Variants in PCDHGA1 observed in about 807,000 individuals in gnomAD.
The protein encoded by PCDHGA1 is protocadherin gamma-A1.
A neutral mutation model predicts 58.0 loss-of-function variants in PCDHGA1; 32 were observed. The observed-to-expected ratio is 0.55, with a 90% CI of 0.42 to 0.74. PCDHGA1 has a LOEUF of 0.74. Among genes scored for constraint, PCDHGA1 ranks in the 30% least tolerant of loss-of-function variants. The pLI is 0.00. For missense variants in PCDHGA1, 1,205 were observed against 1,182.3 expected (o/e 1.02, Z -0.28); for synonymous variants, 498 against 501.1 (o/e 0.99, Z 0.08).
At chr5:141,409,464 C>T in intron 1 of PCDHGA1, 1 of 1,613,940 alleles carries the variant, frequency 6.2e-7, no homozygotes, top group East Asian at 2.2e-5. Context: ...TACAATGTCA[C>T]CATCGTAGCC....
chr5:141,505,324 G>A, intron 2 of PCDHGA1, 69 bp from the exon 3 acceptor site: 2 of 1,607,104 alleles, frequency 1.2e-6, no homozygotes, highest in African/African-American at 1.3e-5. Context: ...GGAGCCCTGG[G>A]AGAGGACAGG....
At chr5:141,350,545 G>A (rs1758499936) in intron 1 of PCDHGA1, 1 of 1,613,914 alleles carries the variant, frequency 6.2e-7, no homozygotes, top group Non-Finnish European at 8.5e-7. Context: ...TTTGCGGAAG[G>A]AAACTTGAGT....
intron 1 of PCDHGA1, chr5:141,365,422 T>G: frequency 6.2e-7 from 1 of 1,614,032 alleles, no homozygotes; most frequent in Non-Finnish European, 8.5e-7. Context: ...TTCCCGGAAC[T>G]GTAATCGCGC....
intron 1 of PCDHGA1, chr5:141,385,141 G>T (rs1183220869): frequency 1.9e-6 from 3 of 1,614,202 alleles, no homozygotes; most frequent in Non-Finnish European, 2.5e-6. Context: ...CGGGGTGCAG[G>T]CTTTCCTGCA....
At chr5:141,377,766 G>A (rs950570647) in intron 1 of PCDHGA1, 4 of 152,130 alleles carry the variant, frequency 2.6e-5, no homozygotes, top group African/African-American at 9.7e-5. Flanking sequence ...CCAGATCTTT[G>A]GTGTTAAAAG....
In PCDHGA1 at chr5:141,385,425, T is replaced by C; in HGVS notation, c.2421+52320T>C. On this transcript the variant is annotated intron_variant, in intron 1 of 3. Coordinates refer to ENST00000517417, the MANE Select transcript of PCDHGA1 (RefSeq NM_018912.3). The stretch of plus-strand genomic sequence containing the variant: ...TTTTGAAAATAGGGATTTAAAAAAC[T>C]TTATAGAGGTAAAAATGAGTTTACC... The C allele has an allele frequency of 2.7e-6, 4 of 1,460,336 alleles. No individual in the cohort carries two copies. The South Asian group carries it at 4.4e-5, about 16-fold the overall frequency. The allele number at this position is 1,460,336 out of a possible 1,614,324, so 90.5% of individuals were successfully genotyped here. A position where few individuals can be genotyped will look rare whatever the true frequency, so the allele number is the denominator to read the frequency against.
At chr5:141,342,862 T>C (rs1477604919) in intron 1 of PCDHGA1, 1 of 152,196 alleles carries the variant, frequency 6.6e-6, no homozygotes, top group Non-Finnish European at 1.5e-5. Context: ...CAGTTGGTTT[T>C]GAAAAAACAT....
intron 1 of PCDHGA1, among the ~76,000 whole-genome samples, chr5:141,397,239 G>A (rs563338293): frequency 1.8e-4 from 27 of 152,262 alleles, no homozygotes; most frequent in Non-Finnish European, 3.4e-4. Flanking sequence ...GAAGAGCAAC[G>A]TAGTAGGGTA....
At chr5:141,413,631 G>A in intron 1 of PCDHGA1, 4 of 1,613,750 alleles carry the variant, frequency 2.5e-6, no homozygotes, top group Admixed American at 1.7e-5. Context: ...ATGTCGCTGC[G>A]GGAATGCGTT....
rs762908598 is a variant in PCDHGA1 at position 141,491,157 on chromosome 5, T to A, written c.2422-3650T>A. The A allele has an allele frequency of 3.7e-6, 6 of 1,614,108 alleles. No homozygotes were observed. The Admixed American group carries it at 8.3e-5, about 22-fold the overall frequency. On this transcript the variant is annotated intron_variant, in intron 1 of 3. Transcript: ENST00000517417. The surrounding 1 kb of genome is among the most constrained non-coding windows in gnomAD (Gnocchi z 6.9). ...CCCGGGCCTTACTGGAGGATGACTC[T>A]GACACCCAGCAGGTGGTGGTCCTGG...
rs1230922567 is a variant in PCDHGA1, at chr5:141,351,832, C to G, written c.2421+18727C>G. 2 of 1,613,246 alleles carry G rather than the reference C, an allele frequency of 1.2e-6. No homozygotes were observed. Among genetic ancestry groups the G allele is most frequent in the Non-Finnish European group, 8.5e-7 (1 of 1,179,810 alleles). On this transcript the variant is annotated intron_variant, in intron 1 of 3. Coordinates refer to ENST00000517417, the MANE Select transcript of PCDHGA1 (RefSeq NM_018912.3). ...TCGACCACGAGCAGCTGCGCGCCTT[C>G]GAGCTCACACTGCAGGCCAGGGACC...
Position 141,485,987 on chromosome 5 carries a change from G to T in PCDHGA1, c.2422-8820G>T. 1 of 1,614,170 alleles carries T rather than the reference G, an allele frequency of 6.2e-7. No homozygotes were observed. On this transcript the variant is annotated intron_variant, in intron 1 of 3. Transcript: ENST00000517417. The surrounding 1 kb of genome is among the most constrained non-coding windows in gnomAD (Gnocchi z 5.7). ...GCTCAATGCCTCAGACCCGGACCTG[G>T]GTCCCAGTGGTAACGTCACCTTTTA...
chr5:141,365,326 G>A (rs376885852), intron 1 of PCDHGA1: 1 of 1,613,980 alleles, frequency 6.2e-7, no homozygotes, highest in African/African-American at 1.3e-5. Flanking sequence ...CCAGCGCTAA[G>A]GTGGTGGTCA....
chr5:141,422,472 G>T, intron 1 of PCDHGA1: 2 of 1,613,680 alleles, frequency 1.2e-6, no homozygotes, highest in Non-Finnish European at 1.7e-6. Flanking sequence ...ACAGGGAGTT[G>T]GTCCAGAGCT....
chr5:141,478,870 GT>G, intron 1 of PCDHGA1: 1 of 1,273,360 alleles, frequency 7.9e-7, no homozygotes, highest in Non-Finnish European at 1.0e-6. Context: ...AGCGATCAGA[GT>G]TTAGCTTGGT....
chr5:141,389,834 A>G, intron 1 of PCDHGA1: 2 of 1,613,988 alleles, frequency 1.2e-6, no homozygotes, highest in Non-Finnish European at 1.7e-6. Context: ...GTGGACAGCC[A>G]CCACTCTCGG....
At chr5:141,418,823 A>G (rs985060966) in intron 1 of PCDHGA1, 7 of 1,613,868 alleles carry the variant, frequency 4.3e-6, no homozygotes, top group Admixed American at 3.3e-5. Context: ...CATAGAAGCA[A>G]AAGACCGAGG....
intron 1 of PCDHGA1, chr5:141,478,139 G>A: frequency 6.2e-7 from 1 of 1,614,040 alleles, no homozygotes; most frequent in Non-Finnish European, 8.5e-7. Context: ...TGAAGCCCGA[G>A]CCGAGTTCCC....
At chr5:141,441,404 C>T (rs1231257776) in intron 1 of PCDHGA1, 1 of 155,262 alleles carries the variant, frequency 6.4e-6, no homozygotes, top group Admixed American at 6.5e-5. Context: ...ATCAGCATCA[C>T]TGCCACTGAC....
Sources: gnomAD v4.1 joint callset for allele counts (sites outside exome capture counted in the v4.1 genomes callset) on GRCh38, gnomAD v4.1.1 for gene constraint, Gnocchi (gnomAD v3.1) non-coding constraint, MANE v1.5 for transcripts, NCBI Gene and HGNC (gene_info 2026-07-23, HGNC 2026-07-21) for gene names.